The following TTC27 variants were observed in gnomAD, a reference collection of about 807,000 sequenced individuals.
TTC27 encodes tetratricopeptide repeat domain 27, also known as tetratricopeptide repeat protein 27.
A neutral mutation model predicts 115.9 loss-of-function variants in TTC27; 79 were observed. The ratio of observed to expected loss-of-function variants is 0.68; its 90% confidence interval spans 0.57 to 0.82. The LOEUF is 0.82. Ranked by LOEUF, TTC27 falls within the 40% of genes least tolerant of loss-of-function variation. The pLI is 0.00. For synonymous variants in TTC27, 401 were observed against 356.0 expected (o/e 1.13, Z -1.42); for missense variants, 1,054 against 993.1 (o/e 1.06, Z -0.82).
intron 13 of TTC27, among the ~76,000 whole-genome samples, chr2:32,762,084 A>C (rs932115050): frequency 2.0e-5 from 3 of 152,226 alleles, no homozygotes; most frequent in African/African-American, 7.2e-5. Flanking sequence ...AGAAAAACCT[A>C]GCAATTTATA....
intron 9 of TTC27, among the ~76,000 whole-genome samples, chr2:32,698,482 C>CTT (rs376008254): frequency 0.18 from 23,001 of 124,402 alleles, 2,591 homozygotes; most frequent in South Asian, 0.38. Flanking sequence ...AACATGTTGT[C>CTT]TTTTTTTTTT....
At chr2:32,704,493 T>C (rs893233004) in intron 10 of TTC27, among the ~76,000 whole-genome samples, 1 of 152,106 alleles carries the variant, frequency 6.6e-6, no homozygotes, top group Non-Finnish European at 1.5e-5. Flanking sequence ...CGGCCAAAAA[T>C]TTATTTTTAT....
intron 16 of TTC27, among the ~76,000 whole-genome samples, chr2:32,788,964 A>T (rs900359081): frequency 6.6e-6 from 1 of 152,178 alleles, no homozygotes; most frequent in African/African-American, 2.4e-5. Flanking sequence ...GTCTGAAACT[A>T]TCCTAAGCAC....
intron 5 of TTC27, among the ~76,000 whole-genome samples, chr2:32,652,229 G>A (rs1456188833): frequency 1.5e-4 from 23 of 152,044 alleles, no homozygotes; most frequent in Admixed American, 1.5e-3. Flanking sequence ...AAATTAGCTG[G>A]GCATGGTGGT....
chr2:32,650,352 T>TA, intron 5 of TTC27, 119 bp downstream of exon 5: 4 of 450,550 alleles, frequency 8.9e-6, no homozygotes, highest in South Asian at 5.0e-5. Flanking sequence ...TTGAGTTGTT[T>TA]CTTTTTTTTT....
chr2:32,642,246 A>AT (rs1166551758), intron 4 of TTC27, among the ~76,000 whole-genome samples: 4 of 84,188 alleles, frequency 4.8e-5, no homozygotes, highest in East Asian at 3.7e-4. Flanking sequence ...TTATACACTA[A>AT]ATTTTTTTTT....
At chr2:32,725,540 T>C (rs927512853) in intron 10 of TTC27, among the ~76,000 whole-genome samples, 1 of 152,138 alleles carries the variant, frequency 6.6e-6, no homozygotes, top group Non-Finnish European at 1.5e-5. Context: ...ATGGAAGAGG[T>C]GGGTTCCCAT....
At chr2:32,791,042 C>T (rs148079238) in intron 16 of TTC27, among the ~76,000 whole-genome samples, 80 of 152,170 alleles carry the variant, frequency 5.3e-4, no homozygotes, top group Admixed American at 1.2e-3. Flanking sequence ...TTGGTAAAAC[C>T]CAGGAATGCT....
At chr2:32,693,059 CT>C (rs1437782406) in intron 9 of TTC27, among the ~76,000 whole-genome samples, 21 of 152,024 alleles carry the variant, frequency 1.4e-4, no homozygotes, top group Admixed American at 9.8e-4. Context: ...TTGTTCGTGA[CT>C]TCATGTTTTA....
intron 5 of TTC27, among the ~76,000 whole-genome samples, chr2:32,658,616 G>C (rs554040919): frequency 6.6e-6 from 1 of 152,150 alleles, no homozygotes; most frequent in African/African-American, 2.4e-5. Context: ...TATTCATTCT[G>C]GTAGGCTGTT....
At chr2:32,726,350 A>T (rs1349605691) in intron 10 of TTC27, among the ~76,000 whole-genome samples, 1 of 152,130 alleles carries the variant, frequency 6.6e-6, no homozygotes, top group Non-Finnish European at 1.5e-5. Context: ...CATCCAAGTC[A>T]CCTCTTGAAT....
chr2:32,794,833 C>A (rs1034110421), intron 16 of TTC27, among the ~76,000 whole-genome samples: 20 of 151,938 alleles, frequency 1.3e-4, no homozygotes, highest in African/African-American at 4.8e-4. Flanking sequence ...AAGTAGATAA[C>A]CTAGATGAAA....
intron 3 of TTC27, among the ~76,000 whole-genome samples, chr2:32,637,941 G>C (rs1320626688): frequency 2.0e-5 from 3 of 152,194 alleles, no homozygotes; most frequent in African/African-American, 4.8e-5. Flanking sequence ...CCATGGTGTA[G>C]TGCCAGTCAG....
chr2:32,643,054 A>T (rs1434199544), intron 4 of TTC27, among the ~76,000 whole-genome samples: 3 of 149,920 alleles, frequency 2.0e-5, no homozygotes, highest in Non-Finnish European at 4.4e-5. Flanking sequence ...ACTGCAATCT[A>T]CGCCTCCCAG....
At chr2:32,690,023 A>G (rs987856720) in intron 9 of TTC27, among the ~76,000 whole-genome samples, 1 of 152,190 alleles carries the variant, frequency 6.6e-6, no homozygotes, top group African/African-American at 2.4e-5. Context: ...GGTGAAGGAT[A>G]TACAGTAAGC....
chr2:32,629,426 G>T (rs1428802190), intron 1 of TTC27, among the ~76,000 whole-genome samples: 1 of 151,576 alleles, frequency 6.6e-6, no homozygotes, highest in African/African-American at 2.4e-5. Context: ...GGCCTAGGCG[G>T]CAATGATTTA....
At chr2:32,633,744 T>TAATA in intron 2 of TTC27, 132 bp from the exon 3 acceptor site, 1 of 1,022,672 alleles carries the variant, frequency 9.8e-7, no homozygotes, top group East Asian at 3.0e-5. Flanking sequence ...TTTTTTTTGG[T>TAATA]AATACTCTAG....
chr2:32,686,624 G>C lies in TTC27; in HGVS notation c.1119+7702G>C, dbSNP rs376826120. On this transcript the variant is annotated intron_variant, in intron 9 of 19. Transcript: ENST00000317907. ...GATCCGCCCGCCTCAGCCTCCCAAA[G>C]TGCTGGAGTTACAGGCATGAGCCAC... Among the ~76,000 whole-genome samples the C allele has an allele frequency of 3.4e-4, 51 of 151,820 alleles. No individual in the cohort carries two copies. The South Asian group carries it at 9.6e-3, about 28-fold the overall frequency.
chr2:32,758,324 A>G lies in TTC27; in HGVS notation c.1485A>G (p.Lys495=). The G allele has an allele frequency of 6.2e-7, 1 of 1,614,208 alleles. No homozygotes were observed. Among genetic ancestry groups the G allele is most frequent in the Non-Finnish European group, 8.5e-7 (1 of 1,180,042 alleles). ...AAATCCTTAGACAAGAGCTGGAGAA[A>G]AAAGAAACGCCTAGTTTATACTGCT... ...AEEILRQELE[K]KETPSLYCLL... The change falls in exon 13 of 20, where the codon AAA becomes AAG. Residue 495 remains lysine, a synonymous_variant. Coordinates refer to ENST00000317907, the MANE Select transcript of TTC27 (RefSeq NM_017735.5).
Sources: allele counts gnomAD v4.1 joint callset (sites outside exome capture counted in the v4.1 genomes callset), GRCh38; gene constraint gnomAD v4.1.1; transcripts MANE v1.5; gene names NCBI Gene and HGNC (gene_info 2026-07-23, HGNC 2026-07-21).